DEAF1: variants seen among roughly 807,000 people sequenced by gnomAD.
The protein encoded by DEAF1 is deformed epidermal autoregulatory factor 1 homolog.
DEAF1 carries 53 observed loss-of-function variants against 58.9 expected under a neutral mutation model. The observed-to-expected ratio is 0.90, with a 90% CI of 0.72 to 1.13. The LOEUF is 1.13. Ranked by LOEUF, DEAF1 falls within the 50% of genes most tolerant of loss-of-function variation. The probability of loss-of-function intolerance (pLI) is 0.00; values close to 1 mark genes in which losing one functional copy is unlikely to be tolerated. For synonymous variants in DEAF1, 385 were observed against 340.4 expected (o/e 1.13, Z -1.44); for missense variants, 685 against 791.4 (o/e 0.87, Z 1.61).
intron 10 of DEAF1, among the ~76,000 whole-genome samples, chr11:671,334 C>A (rs1389626263): frequency 6.6e-6 from 1 of 151,916 alleles, no homozygotes; most frequent in Non-Finnish European, 1.5e-5. Context: ...GAGTCTCCTG[C>A]CTCAGCCTCC....
chr11:679,708 T>C lies in DEAF1; in HGVS notation c.1106A>G (p.Asp369Gly). The C allele has an allele frequency of 6.2e-7, 1 of 1,613,020 alleles. No homozygotes were observed. Among genetic ancestry groups the C allele is most frequent in the Non-Finnish European group, 8.5e-7 (1 of 1,180,038 alleles). Residue 369 changes from aspartate to glycine, a missense_variant, in exon 8 of 12, where the codon GAC becomes GGC. Coordinates refer to ENST00000382409, the MANE Select transcript of DEAF1 (RefSeq NM_021008.4). Reference protein sequence around the residue: ...AVISESPAQGDVFAGATVQEA... With the variant: ...AVISESPAQGGVFAGATVQEA... ...CTCACCTGTGGCCCCTGCGAAGACGTCGCCCTGGGCCGGACTCTCTGATAT... is the reference window on the plus strand; with the variant it reads ...CTCACCTGTGGCCCCTGCGAAGACGCCGCCCTGGGCCGGACTCTCTGATAT...
chr11:654,130 A>G, intron 10 of DEAF1, 79 bp from the exon 11 acceptor site: 1 of 1,147,158 alleles, frequency 8.7e-7, no homozygotes, highest in Non-Finnish European at 1.3e-6. Flanking sequence ...AGGCAGGTGC[A>G]GGCAGGAGGC....
At position 694,837 on chromosome 11, in the gene DEAF1, C is replaced by G. The variant is rs778253261; in HGVS notation, c.211G>C (p.Ala71Pro). The change falls in exon 1 of 12, where the codon GCG becomes CCG. Residue 71 changes from alanine to proline, a missense_variant. This residue lies in a region of DEAF1 where 210 missense variants were observed against 177.3 expected (regional missense o/e 1.18). Transcript: ENST00000382409. ...CCCATGTCCATGTGCCCGGGCTCCG[C>G]CGCCATCACCGCCACTGCCGTGACC... The part of the protein sequence containing the change: ...PRVTAVAVMA[A>P]EPGHMDMGAE... The G allele has an allele frequency of 2.4e-5, 35 of 1,470,492 alleles. No individual in the cohort carries two copies. The highest frequency in any genetic ancestry group is 3.1e-5 in the Non-Finnish European group (35 of 1,114,904). 91.1% of individuals were successfully genotyped at this position (1,470,492 alleles called of 1,614,324 possible).
At chr11:690,336 G>C (rs1316490676) in intron 2 of DEAF1, among the ~76,000 whole-genome samples, 2 of 19,600 alleles carry the variant, frequency 1.0e-4, no homozygotes, top group South Asian at 4.5e-3. Context: ...CAGGGGAGGG[G>C]AGGGCAGGGG....
intron 11 of DEAF1, among the ~76,000 whole-genome samples, chr11:645,138 G>A (rs1355906273): frequency 2.0e-5 from 3 of 149,182 alleles, no homozygotes; most frequent in African/African-American, 4.9e-5. Context: ...ACTCCAGCCC[G>A]GGTGACAGAA....
chr11:696,014 C>A (rs1281572780), upstream of DEAF1, among the ~76,000 whole-genome samples: 1 of 152,154 alleles, frequency 6.6e-6, no homozygotes, highest in East Asian at 1.9e-4. Context: ...CTGGCCTGGC[C>A]TGGGTGGCGG....
In DEAF1 at chr11:671,610, G is replaced by A. The variant is rs570462060; in HGVS notation, c.1503+2926C>T. On this transcript the variant is annotated intron_variant, in intron 10 of 11. Coordinates refer to ENST00000382409, the MANE Select transcript of DEAF1 (RefSeq NM_021008.4). ...ATTAATGCTGGGTCCAGTGGCTCAC[G>A]CCTGTAATCTCAGCACTTTGGGAGG... 2.4e-4 allele frequency among the ~76,000 whole-genome samples: 37 copies of A among 151,342 alleles called. No individual in the cohort carries two copies. The East Asian group carries it at 6.7e-3, about 27-fold the overall frequency.
intron 10 of DEAF1, among the ~76,000 whole-genome samples, chr11:666,890 A>AAAAAAAAG (rs1564934023): frequency 2.7e-5 from 4 of 150,596 alleles, no homozygotes; most frequent in Non-Finnish European, 5.9e-5. Context: ...AAAAAAAAAA[A>AAAAAAAAG]AAAAAAAGAA....
chr11:695,493 G>A, upstream of DEAF1: 1 of 830,672 alleles, frequency 1.2e-6, no homozygotes, highest in Non-Finnish European at 1.6e-6. Context: ...GGCGGCCGGC[G>A]CAATTCTGCC....
At position 686,942 on chromosome 11, in the gene DEAF1, A is replaced by G. The variant is rs1271364831; in HGVS notation, c.720T>C (p.Phe240=). 4 of 1,613,968 alleles carry G rather than the reference A, an allele frequency of 2.5e-6. No homozygotes were observed. Among genetic ancestry groups the G allele is most frequent in the African/African-American group, 2.7e-5 (2 of 74,870 alleles). The part of the protein sequence containing the change: ...QGENWYSPTE[F]EAMAGRASSK... The stretch of plus-strand genomic sequence containing the variant: ...TGCTGGCTCTTCCTGCCATGGCCTC[A>G]AACTCGGTGGGACTGTACCAGTTCT... The change falls in exon 5 of 12, where the codon TTT becomes TTC. Residue 240 remains phenylalanine, a synonymous_variant. Coordinates refer to ENST00000382409, the MANE Select transcript of DEAF1 (RefSeq NM_021008.4).
Position 688,569 on chromosome 11 carries a change from G to T in DEAF1, c.388-109C>A. On this transcript the variant is annotated intron_variant, in intron 2 of 11. Transcript: ENST00000382409. The surrounding 1 kb of genome is among the most constrained non-coding windows in gnomAD (Gnocchi z 4.3). ...AGGGCTCTCTGGCTGTTCTCACCAAGAAGGGACGCTCACCTAGGCACCCCA... is the reference window on the plus strand; with the variant it reads ...AGGGCTCTCTGGCTGTTCTCACCAATAAGGGACGCTCACCTAGGCACCCCA... 7.3e-7 allele frequency: 1 copy of T among 1,378,154 alleles called. No homozygotes were observed. 85.4% of individuals were successfully genotyped at this position (1,378,154 alleles called of 1,614,324 possible). A position where few individuals can be genotyped will look rare whatever the true frequency, so the allele number is the denominator to read the frequency against.
intron 11 of DEAF1, among the ~76,000 whole-genome samples, chr11:652,145 T>C (rs1389160444): frequency 1.3e-5 from 2 of 152,224 alleles, no homozygotes; most frequent in Non-Finnish European, 2.9e-5. Context: ...ACACTAAGTA[T>C]GTTCTTGAAC....
chr11:687,122 C>T (rs894326595), intron 4 of DEAF1, 125 bp from the exon 5 acceptor site: 19 of 1,404,988 alleles, frequency 1.4e-5, no homozygotes, highest in Non-Finnish European at 1.7e-5. Context: ...TGTGATCTCA[C>T]CCACCCACAT....
chr11:651,758 T>C (rs921701506), intron 11 of DEAF1, among the ~76,000 whole-genome samples: 27 of 152,064 alleles, frequency 1.8e-4, no homozygotes, highest in African/African-American at 4.6e-4. Flanking sequence ...TGGTGGCGGG[T>C]GCCTGTGGTC....
At chr11:684,419 G>GAA (rs537636795) in intron 6 of DEAF1, among the ~76,000 whole-genome samples, 1 of 137,836 alleles carries the variant, frequency 7.3e-6, no homozygotes, top group African/African-American at 2.6e-5. Flanking sequence ...CTTCGTCTCA[G>GAA]AAAAAAAAAA....
At chr11:653,075 C>T (rs1338241853) in intron 11 of DEAF1, among the ~76,000 whole-genome samples, 3 of 98,586 alleles carry the variant, frequency 3.0e-5, no homozygotes, top group Non-Finnish European at 5.4e-5. Flanking sequence ...CAGAATGAGA[C>T]TCTGTCTCAA....
chr11:674,501 C>A, intron 10 of DEAF1, 35 bp downstream of exon 10: 1 of 1,613,252 alleles, frequency 6.2e-7, no homozygotes, highest in South Asian at 1.1e-5. Flanking sequence ...GGTTACTCGG[C>A]ACAGGTCGTG....
chr11:700,083 G>C (rs562629066), upstream of DEAF1: 3 of 1,465,784 alleles, frequency 2.0e-6, no homozygotes, highest in Non-Finnish European at 2.9e-6. Flanking sequence ...CTCTTGTTCA[G>C]CCACCTGGGA....
intron 1 of DEAF1, among the ~76,000 whole-genome samples, chr11:702,748 C>T (rs1023725253): frequency 1.3e-5 from 2 of 152,250 alleles, no homozygotes; most frequent in Admixed American, 1.3e-4. Context: ...GAGGGGCTCA[C>T]GCCTGTGTTG....
Sources: gnomAD v4.1 joint callset for allele counts (sites outside exome capture counted in the v4.1 genomes callset) on GRCh38, gnomAD v4.1.1 for gene constraint, gnomAD v4.1.1 regional missense constraint, Gnocchi (gnomAD v3.1) non-coding constraint, MANE v1.5 for transcripts, NCBI Gene and HGNC (gene_info 2026-07-23, HGNC 2026-07-21) for gene names.